Variants in RFTN1 observed in about 807,000 individuals in gnomAD.
RFTN1 encodes the protein raftlin.
In RFTN1, 26 loss-of-function variants were observed where a neutral mutation model predicts 46.5. The observed-to-expected ratio is 0.56, with a 90% CI of 0.41 to 0.78. RFTN1 has a LOEUF of 0.78. Among genes scored for constraint, RFTN1 ranks in the 30% least tolerant of loss-of-function variants. The pLI, the probability that RFTN1 is intolerant of heterozygous loss-of-function variation, is 0.00. For synonymous variants in RFTN1, 261 were observed against 284.2 expected (o/e 0.92, Z 0.82); for missense variants, 693 against 718.7 (o/e 0.96, Z 0.41).
At chr3:16,333,990 C>T (rs955677454) in intron 7 of RFTN1, among the ~76,000 whole-genome samples, 1 of 152,116 alleles carries the variant, frequency 6.6e-6, no homozygotes, top group African/African-American at 2.4e-5. Context: ...ACGGTGAAAC[C>T]CCGTCTCTAC....
chr3:16,426,155 G>A lies in RFTN1; in HGVS notation c.332+7696C>T, dbSNP rs1232510299. 1.1e-4 allele frequency among the ~76,000 whole-genome samples: 17 copies of A among 152,190 alleles called. No individual in the cohort carries two copies. Among genetic ancestry groups the A allele is most frequent in the Non-Finnish European group, 1.8e-4 (12 of 68,008 alleles). On this transcript the variant is annotated intron_variant, in intron 3 of 9. Coordinates refer to ENST00000334133, the MANE Select transcript of RFTN1 (RefSeq NM_015150.2). This position sits in a 1 kb window ranked among gnomAD's most constrained non-coding sequence, Gnocchi z 5.9. Reference sequence around the variant, plus strand: ...CGCATCAATCAGTGCTAAACCCACCGTTACTTTCTTCCCCACGTGTGATTC... The same window carrying A: ...CGCATCAATCAGTGCTAAACCCACCATTACTTTCTTCCCCACGTGTGATTC...
chr3:16,317,973 A>G lies in RFTN1; in HGVS notation c.1333-741T>C, dbSNP rs1476503027. Among the ~76,000 whole-genome samples the G allele has an allele frequency of 6.6e-6, 1 of 152,188 alleles. No homozygotes were observed. The highest frequency in any genetic ancestry group is 1.5e-5 in the Non-Finnish European group (1 of 68,030). On this transcript the variant is annotated intron_variant, in intron 9 of 9. Transcript: ENST00000334133. This position sits in a 1 kb window ranked among gnomAD's most constrained non-coding sequence, Gnocchi z 4.3. ...TCTCCCTCTGCCCGCTACTGTACCG[A>G]CAAGTGTTCTAAGGTAACTCCCTCT... is the stretch of plus-strand genomic sequence containing the variant.
At chr3:16,464,822 A>G (rs1282734873) in intron 2 of RFTN1, among the ~76,000 whole-genome samples, 1 of 152,250 alleles carries the variant, frequency 6.6e-6, no homozygotes, top group African/African-American at 2.4e-5. Context: ...AAAGCCCAAA[A>G]TATTTACCAT....
At chr3:16,414,941 C>G (rs1175065494) in intron 3 of RFTN1, among the ~76,000 whole-genome samples, 3 of 152,144 alleles carry the variant, frequency 2.0e-5, no homozygotes, top group African/African-American at 7.2e-5. Context: ...ATTCAGGCCA[C>G]AGTGAAGACA....
rs2074962487 is a variant in RFTN1 at position 16,410,495 on chromosome 3, C to T, written c.333-1012G>A. Among the ~76,000 whole-genome samples, 1 of 151,862 alleles carries T rather than the reference C, an allele frequency of 6.6e-6. No individual in the cohort carries two copies. Among genetic ancestry groups the T allele is most frequent in the Non-Finnish European group, 1.5e-5 (1 of 67,956 alleles). On this transcript the variant is annotated intron_variant, in intron 3 of 9. Transcript: ENST00000334133. The surrounding 1 kb of genome is among the most constrained non-coding windows in gnomAD (Gnocchi z 4.6). ...CATTTTTAAATGAAAAGAATATATTCCTATATCACTTAGAAAATTAAAAAT... is the reference window on the plus strand; with the variant it reads ...CATTTTTAAATGAAAAGAATATATTTCTATATCACTTAGAAAATTAAAAAT...
At chr3:16,377,224 G>C (rs1029539644) in intron 5 of RFTN1, among the ~76,000 whole-genome samples, 1 of 152,036 alleles carries the variant, frequency 6.6e-6, no homozygotes, top group Non-Finnish European at 1.5e-5. Context: ...TGAAGGGATG[G>C]TGGGTAAGTC....
chr3:16,485,358 A>C (rs1199393063), intron 2 of RFTN1, among the ~76,000 whole-genome samples: 1 of 152,220 alleles, frequency 6.6e-6, no homozygotes, highest in African/African-American at 2.4e-5. Context: ...ATAAAACAGC[A>C]CGGACTCCAT....
At chr3:16,404,809 C>T (rs1397554955) in intron 4 of RFTN1, among the ~76,000 whole-genome samples, 2 of 152,116 alleles carry the variant, frequency 1.3e-5, no homozygotes, top group Non-Finnish European at 2.9e-5. Context: ...TCTGAAGCCC[C>T]TTGGCTGCCC....
intron 2 of RFTN1, among the ~76,000 whole-genome samples, chr3:16,467,397 C>G (rs1361352816): frequency 6.6e-6 from 1 of 152,194 alleles, no homozygotes; most frequent in Non-Finnish European, 1.5e-5. Flanking sequence ...TCAGACTGCT[C>G]CAGTGCCATC....
rs1375437822 is a variant in RFTN1 at position 16,374,722 on chromosome 3, G to C, written c.826+2996C>G. ...CCTCCTGGTTTCTCTGATGGAAGCT[G>C]TGGCAACGGAGACACTGAGGCTGTC... On this transcript the variant is annotated intron_variant, in intron 5 of 9. Transcript: ENST00000334133. The surrounding 1 kb of genome is among the most constrained non-coding windows in gnomAD (Gnocchi z 5.4). Among the ~76,000 whole-genome samples the C allele has an allele frequency of 6.6e-6, 1 of 152,228 alleles. No individual in the cohort carries two copies. The highest frequency in any genetic ancestry group is 2.4e-5 in the African/African-American group (1 of 41,466).
At position 16,468,631 on chromosome 3, in the gene RFTN1, T is replaced by TAAAA. The variant is rs11328874; in HGVS notation, c.145+25090_145+25093dup. Among the ~76,000 whole-genome samples the TAAAA allele has an allele frequency of 4.0e-5, 4 of 100,168 alleles. No individual in the cohort carries two copies. Among genetic ancestry groups the TAAAA allele is most frequent in the African/African-American group, 1.4e-4 (4 of 28,556 alleles). 65.7% of individuals were successfully genotyped at this position (100,168 alleles called of 152,430 possible). ...CCTCACGTACAACCCAGCGTTTGAGTAAAAAAAAAAAAAAAAAAAACTTTA... is the reference window on the plus strand; with the variant it reads ...CCTCACGTACAACCCAGCGTTTGAGTAAAAAAAAAAAAAAAAAAAAAAAACTTTA... On this transcript the variant is annotated intron_variant, in intron 2 of 9. Transcript: ENST00000334133. This position sits in a 1 kb window ranked among gnomAD's most constrained non-coding sequence, Gnocchi z 4.4.
At chr3:16,456,328 G>A (rs73146216) in intron 2 of RFTN1, among the ~76,000 whole-genome samples, 2,236 of 152,112 alleles carry the variant, frequency 0.015, 56 homozygotes, top group African/African-American at 0.051. Context: ...CCCCATCTTC[G>A]GAGATCTGTG....
In RFTN1 at chr3:16,465,419, GACACACACACACACAC is replaced by G. The variant is rs10560544; in HGVS notation, c.145+28290_145+28305del. 1.0e-3 allele frequency among the ~76,000 whole-genome samples: 145 copies of G among 143,402 alleles called. 1 individual carries two copies. Among genetic ancestry groups the G allele is most frequent in the Admixed American group, 8.7e-3 (124 of 14,272 alleles). 94.1% of individuals were successfully genotyped at this position (143,402 alleles called of 152,430 possible). On this transcript the variant is annotated intron_variant, in intron 2 of 9. Transcript: ENST00000334133. This position sits in a 1 kb window ranked among gnomAD's most constrained non-coding sequence, Gnocchi z 5.1. Reference sequence around the variant, plus strand: ...CCAACAGAGGTTGGCAGCTCAGAGGGACACACACACACACACACACACACACACACACACACCCCAT... The same window carrying G: ...CCAACAGAGGTTGGCAGCTCAGAGGGACACACACACACACACACACCCCAT...
intron 2 of RFTN1, among the ~76,000 whole-genome samples, chr3:16,444,495 G>A (rs1202789495): frequency 6.6e-6 from 1 of 152,204 alleles, no homozygotes; most frequent in South Asian, 2.1e-4. Context: ...CCCAGTCTGA[G>A]CAAGTGTGAG....
chr3:16,388,068 C>A (rs2074249107), intron 4 of RFTN1, among the ~76,000 whole-genome samples: 1 of 152,338 alleles, frequency 6.6e-6, no homozygotes, highest in African/African-American at 2.4e-5. Flanking sequence ...CTTGCCCTGC[C>A]CCTGAAATGG....
chr3:16,462,865 A>T (rs1356242745), intron 2 of RFTN1, among the ~76,000 whole-genome samples: 2 of 152,260 alleles, frequency 1.3e-5, no homozygotes, highest in African/African-American at 2.4e-5. Flanking sequence ...ATAAAGCCAA[A>T]GATAAAGGTG....
intron 1 of RFTN1, among the ~76,000 whole-genome samples, chr3:16,494,575 T>TC (rs2076594573): frequency 6.6e-6 from 1 of 152,114 alleles, no homozygotes; most frequent in African/African-American, 2.4e-5. Flanking sequence ...GAAGCAGAAA[T>TC]CCACGTGTAT....
chr3:16,391,650 G>C (rs545823894), intron 4 of RFTN1, among the ~76,000 whole-genome samples: 3 of 152,288 alleles, frequency 2.0e-5, no homozygotes, highest in African/African-American at 4.8e-5. Context: ...TGGATGAAGA[G>C]CAGAGGGAAT....
chr3:16,397,922 C>T (rs1013540032), intron 4 of RFTN1, among the ~76,000 whole-genome samples: 29 of 151,966 alleles, frequency 1.9e-4, no homozygotes, highest in African/African-American at 5.8e-4. Flanking sequence ...AGTTTTGCAC[C>T]CGGGACCTCT....
Sources: gnomAD v4.1 joint callset for allele counts (sites outside exome capture counted in the v4.1 genomes callset) on GRCh38, gnomAD v4.1.1 for gene constraint, Gnocchi (gnomAD v3.1) non-coding constraint, MANE v1.5 for transcripts, NCBI Gene and HGNC (gene_info 2026-07-23, HGNC 2026-07-21) for gene names.